Variants in ZNF536 observed in about 807,000 individuals in gnomAD.
ZNF536 encodes the protein zinc finger protein 536.
In ZNF536, 13 loss-of-function variants were observed where a neutral mutation model predicts 84.5. The ratio of observed to expected loss-of-function variants is 0.15; its 90% confidence interval spans 0.10 to 0.24. The LOEUF (loss-of-function observed/expected upper bound fraction) is 0.24, where lower values mean the gene tolerates loss of function less well. ZNF536 is among the 10% of genes least tolerant of loss of function. The probability of loss-of-function intolerance (pLI) is 1.00; values close to 1 mark genes in which losing one functional copy is unlikely to be tolerated. For missense variants in ZNF536, 1,536 were observed against 1,747.5 expected, an observed-to-expected ratio of 0.88 and a Z score of 2.16; for synonymous variants, 811 against 742.5, an observed-to-expected ratio of 1.09 and a Z score of -1.50.
At chr19:30,368,671 G>C (rs769117252), upstream of ZNF536, among the ~76,000 whole-genome samples, 1 of 152,240 alleles carries the variant, frequency 6.6e-6, no homozygotes. Flanking sequence ...AAATTGCCAT[G>C]TGAGCCACAC....
chr19:30,321,769 TTTTC>T (rs1365584321), intron 2 of ZNF536, among the ~76,000 whole-genome samples: 1 of 151,430 alleles, frequency 6.6e-6, no homozygotes, highest in African/African-American at 2.4e-5. Flanking sequence ...TTTTTCTTTT[TTTTC>T]TTTCTTTCTT....
intron 1 of ZNF536, among the ~76,000 whole-genome samples, chr19:30,428,188 C>T (rs1269379519): frequency 1.3e-5 from 2 of 152,154 alleles, no homozygotes; most frequent in African/African-American, 4.8e-5. Flanking sequence ...TGACTGTGAG[C>T]AGGACTGAGG....
At chr19:30,543,644 G>A (rs528947229) in intron 3 of ZNF536, among the ~76,000 whole-genome samples, 4 of 152,350 alleles carry the variant, frequency 2.6e-5, no homozygotes, top group South Asian at 2.1e-4. Flanking sequence ...CTCAGCTCAG[G>A]TAGACTCAGC....
chr19:30,620,163 G>A (rs1195698161), intron 1 of ZNF536, among the ~76,000 whole-genome samples: 2 of 152,054 alleles, frequency 1.3e-5, no homozygotes, highest in Non-Finnish European at 2.9e-5. Context: ...AGGGAGTGGT[G>A]GGGACTGTGG....
At chr19:30,455,964 C>G (rs1002236505) in intron 2 of ZNF536, among the ~76,000 whole-genome samples, 1 of 152,186 alleles carries the variant, frequency 6.6e-6, no homozygotes, top group African/African-American at 2.4e-5. Flanking sequence ...CCAGGATCAG[C>G]AAAGTTTTCC....
chr19:30,362,171 A>G (rs1186896011), intron 3 of ZNF536, among the ~76,000 whole-genome samples: 1 of 152,136 alleles, frequency 6.6e-6, no homozygotes, highest in Non-Finnish European at 1.5e-5. Flanking sequence ...CCCTGGAACC[A>G]AAGCTCCTCT....
chr19:30,385,969 T>TCA (rs2049325234), intron 1 of ZNF536, among the ~76,000 whole-genome samples: 1 of 152,100 alleles, frequency 6.6e-6, no homozygotes, highest in African/African-American at 2.4e-5. Flanking sequence ...ACATCAGGGA[T>TCA]CATGTGGCAA....
intron 1 of ZNF536, among the ~76,000 whole-genome samples, chr19:30,564,742 A>C (rs2046291276): frequency 6.6e-6 from 1 of 152,214 alleles, no homozygotes. Flanking sequence ...ATAATGGTCC[A>C]TTGTTTGCAC....
intron 1 of ZNF536, among the ~76,000 whole-genome samples, chr19:30,606,759 A>G (rs796890776): frequency 2.6e-5 from 4 of 152,078 alleles, no homozygotes; most frequent in Admixed American, 1.3e-4. Context: ...GTGGATTTCA[A>G]TCCAGCAGGG....
At chr19:30,481,869 C>A (rs2054103263) in intron 2 of ZNF536, among the ~76,000 whole-genome samples, 1 of 152,136 alleles carries the variant, frequency 6.6e-6, no homozygotes, top group South Asian at 2.1e-4. Flanking sequence ...ATTCTTACAC[C>A]TTTGCCTCCT....
At chr19:30,551,670 G>A (rs1395622812) in intron 4 of ZNF536, among the ~76,000 whole-genome samples, 1 of 152,138 alleles carries the variant, frequency 6.6e-6, no homozygotes, top group African/African-American at 2.4e-5. Flanking sequence ...CCCTTGTTCC[G>A]CCTTCCACTC....
At chr19:30,692,245 C>T (rs1378270466) in intron 1 of ZNF536, among the ~76,000 whole-genome samples, 2 of 152,160 alleles carry the variant, frequency 1.3e-5, no homozygotes, top group African/African-American at 2.4e-5. Context: ...GTGCCTGCAC[C>T]GAGGGCTGGG....
At chr19:30,391,052 TCTC>T (rs2049567448) in intron 1 of ZNF536, among the ~76,000 whole-genome samples, 1 of 152,192 alleles carries the variant, frequency 6.6e-6, no homozygotes, top group Admixed American at 6.5e-5. Flanking sequence ...GCCTGGAAAT[TCTC>T]CTGTGATCAG....
intron 1 of ZNF536, among the ~76,000 whole-genome samples, chr19:30,635,776 C>T (rs1202065287): frequency 2.0e-5 from 3 of 152,226 alleles, no homozygotes; most frequent in Non-Finnish European, 2.9e-5. Context: ...TTTCATTACG[C>T]GACAGCAGAC....
At chr19:30,532,232 C>T (rs531338530) in intron 2 of ZNF536, among the ~76,000 whole-genome samples, 3 of 152,174 alleles carry the variant, frequency 2.0e-5, no homozygotes, top group Admixed American at 6.5e-5. Context: ...CAGGCTCAAG[C>T]GATTCTCCTG....
At chr19:30,701,252 C>G (rs368018628) in intron 1 of ZNF536, among the ~76,000 whole-genome samples, 181 of 151,686 alleles carry the variant, frequency 1.2e-3, no homozygotes, top group African/African-American at 4.3e-3. Flanking sequence ...AACACAAACA[C>G]ACACACAAAC....
chr19:30,425,163 G>A (rs1324989576), intron 1 of ZNF536, among the ~76,000 whole-genome samples: 1 of 151,854 alleles, frequency 6.6e-6, no homozygotes, highest in African/African-American at 2.4e-5. Flanking sequence ...GGTGATGGGT[G>A]CACCAAAATC....
chr19:30,660,710 C>T (rs114705970), intron 1 of ZNF536, among the ~76,000 whole-genome samples: 5 of 152,302 alleles, frequency 3.3e-5, no homozygotes, highest in South Asian at 2.1e-4. Context: ...AGGTTCCTAT[C>T]GATTGCAAGT....
intron 2 of ZNF536, among the ~76,000 whole-genome samples, chr19:30,458,950 G>T (rs771575819): frequency 1.3e-5 from 2 of 152,282 alleles, no homozygotes; most frequent in South Asian, 2.1e-4. Context: ...TACCCAGCAC[G>T]TCTGTGAGTG....
Sources: allele counts gnomAD v4.1 joint callset (sites outside exome capture counted in the v4.1 genomes callset), GRCh38; gene constraint gnomAD v4.1.1; transcripts MANE v1.5; gene names NCBI Gene and HGNC (gene_info 2026-07-23, HGNC 2026-07-21).